The following AK7 variants were observed in gnomAD, a reference collection of about 807,000 sequenced individuals.
AK7 encodes the protein ATP-AMP transphosphorylase 7.
In AK7, 78 loss-of-function variants were observed where a neutral mutation model predicts 96.6. The observed-to-expected ratio is 0.81, with a 90% CI of 0.67 to 0.97. The LOEUF is 0.97. AK7 is among the 50% of genes least tolerant of loss of function. The pLI is 0.00. For missense variants in AK7, 855 were observed against 887.9 expected, an observed-to-expected ratio of 0.96 and a Z score of 0.47; for synonymous variants, 302 against 317.2, an observed-to-expected ratio of 0.95 and a Z score of 0.51.
intron 12 of AK7, among the ~76,000 whole-genome samples, chr14:96,461,839 G>A (rs1431285203): frequency 6.6e-6 from 1 of 152,166 alleles, no homozygotes; most frequent in Non-Finnish European, 1.5e-5. Flanking sequence ...GCCTGCCTTG[G>A]CCTCTGAAAG....
chr14:96,419,552 T>C (rs1891545756), intron 4 of AK7, among the ~76,000 whole-genome samples: 1 of 152,078 alleles, frequency 6.6e-6, no homozygotes, highest in African/African-American at 2.4e-5. Context: ...GAGGATCACT[T>C]GAATCCAGGA....
In AK7 at chr14:96,408,869, C is replaced by T. The variant is rs1475855972; in HGVS notation, c.426C>T (p.His142=). 6 of 1,614,126 alleles carry T rather than the reference C, an allele frequency of 3.7e-6. No homozygotes were observed. In the African/African-American group the frequency reaches 6.7e-5, roughly 18 times the overall value. The part of the protein sequence containing the change: ...AVSALSEEVS[H]FEKRKLFILL... ...CAGCACTCAGTGAAGAAGTCAGCCA[C>T]TTTGAAAAGCGAAAGCTATTTATTT... Residue 142 remains histidine, a synonymous_variant, in exon 4 of 18, where the codon CAC becomes CAT. Transcript: ENST00000267584.
intron 15 of AK7, 44 bp from the exon 16 acceptor site, chr14:96,482,955 C>T: frequency 6.3e-7 from 1 of 1,591,012 alleles, no homozygotes; most frequent in Non-Finnish European, 8.6e-7. Flanking sequence ...TGCAGGCAGG[C>T]CTAGAATATA....
intron 1 of AK7, among the ~76,000 whole-genome samples, chr14:96,395,113 C>T (rs979481838): frequency 5.3e-5 from 8 of 152,184 alleles, no homozygotes; most frequent in African/African-American, 1.7e-4. Context: ...GATCTTCCCA[C>T]CTCAGTGTCC....
chr14:96,469,303 C>T (rs1054750356), intron 12 of AK7, among the ~76,000 whole-genome samples: 3 of 152,174 alleles, frequency 2.0e-5, no homozygotes, highest in African/African-American at 7.2e-5. Flanking sequence ...GGTGGATCAC[C>T]TGAGGTCAGG....
chr14:96,465,821 C>T (rs1894531682), intron 12 of AK7, among the ~76,000 whole-genome samples: 1 of 151,828 alleles, frequency 6.6e-6, no homozygotes, highest in Non-Finnish European at 1.5e-5. Context: ...ACCAGCCTGG[C>T]CAAGATGGTG....
At chr14:96,404,706 G>A (rs1034745614) in intron 2 of AK7, 51 bp from the exon 3 acceptor site, 4 of 1,244,996 alleles carry the variant, frequency 3.2e-6, no homozygotes, top group Non-Finnish European at 4.7e-6. Flanking sequence ...GAAATATGAA[G>A]GTTACCTTGT....
At chr14:96,456,645 C>A in intron 11 of AK7, 170 bp downstream of exon 11, 1 of 653,098 alleles carries the variant, frequency 1.5e-6, no homozygotes, top group Non-Finnish European at 2.5e-6. Flanking sequence ...CATCTGGCTT[C>A]TCTTCCCCCT....
chr14:96,455,563 G>T (rs1893850943), intron 10 of AK7, among the ~76,000 whole-genome samples: 1 of 152,126 alleles, frequency 6.6e-6, no homozygotes, highest in Non-Finnish European at 1.5e-5. Context: ...AGTAAATTAG[G>T]CCCTTTGCAC....
chr14:96,474,619 G>A (rs763197015), intron 14 of AK7, among the ~76,000 whole-genome samples: 3 of 151,782 alleles, frequency 2.0e-5, no homozygotes, highest in Non-Finnish European at 4.4e-5. Context: ...AGCAAGAACC[G>A]GTCTCAAAAA....
At position 96,460,662 on chromosome 14, in the gene AK7, C is replaced by A. The variant is rs529566271; in HGVS notation, c.1357+2450C>A. Among the ~76,000 whole-genome samples the A allele has an allele frequency of 3.3e-5, 5 of 152,334 alleles. No homozygotes were observed. The South Asian group carries it at 1.0e-3, about 32-fold the overall frequency. ...TCCTCTTCCCAGCTACTCACCTCCA[C>A]CTGGGTTGGAGACCTAGTTTCCCTC... On this transcript the variant is annotated intron_variant, in intron 12 of 17. Coordinates refer to ENST00000267584, the MANE Select transcript of AK7 (RefSeq NM_152327.5).
At chr14:96,485,945 G>C (rs1394201118) in intron 16 of AK7, among the ~76,000 whole-genome samples, 1 of 152,006 alleles carries the variant, frequency 6.6e-6, no homozygotes, top group African/African-American at 2.4e-5. Context: ...ACAGGTGCCC[G>C]CCACCGCGCC....
chr14:96,395,034 TTATG>T lies in AK7; in HGVS notation c.105+2781_105+2784del, dbSNP rs558753218. Among the ~76,000 whole-genome samples the T allele has an allele frequency of 6.3e-3, 956 of 152,256 alleles. 11 individuals carry two copies. The highest frequency in any genetic ancestry group is 0.022 in the African/African-American group (909 of 41,528). ...AACTCTGCACATAACTCTTATTTATTTATGTATGTTTAGAGACATGGGTCTCATT... is the reference window on the plus strand; with the variant it reads ...AACTCTGCACATAACTCTTATTTATTTATGTTTAGAGACATGGGTCTCATT... On this transcript the variant is annotated intron_variant, in intron 1 of 17. Transcript: ENST00000267584.
At chr14:96,485,889 C>T (rs989259605) in intron 16 of AK7, among the ~76,000 whole-genome samples, 3 of 151,536 alleles carry the variant, frequency 2.0e-5, no homozygotes, top group South Asian at 2.1e-4. Flanking sequence ...TCCGCCTCCC[C>T]GGTTCACGCC....
At chr14:96,393,012 C>T (rs1259088073) in intron 1 of AK7, among the ~76,000 whole-genome samples, 1 of 152,120 alleles carries the variant, frequency 6.6e-6, no homozygotes, top group African/African-American at 2.4e-5. Flanking sequence ...TTTCATTCAT[C>T]CATCCCTTCA....
intron 2 of AK7, chr14:96,398,932 A>G (rs1890242615): frequency 6.6e-6 from 1 of 151,476 alleles, no homozygotes; most frequent in African/African-American, 2.4e-5. Context: ...TCTGGAGCCT[A>G]CCATACAGCT....
chr14:96,448,630 T>TAAAAAAAAAAA (rs71103528), intron 8 of AK7, among the ~76,000 whole-genome samples: 1 of 74,884 alleles, frequency 1.3e-5, no homozygotes, highest in East Asian at 4.5e-4. Context: ...ACCCTATCTC[T>TAAAAAAAAAAA]AAAAAAAAAA....
At chr14:96,453,413 T>C (rs1412583173) in intron 10 of AK7, among the ~76,000 whole-genome samples, 1 of 152,214 alleles carries the variant, frequency 6.6e-6, no homozygotes, top group African/African-American at 2.4e-5. Flanking sequence ...GGTATGTCTG[T>C]CCCTAGGGGC....
intron 5 of AK7, among the ~76,000 whole-genome samples, chr14:96,434,733 G>T (rs927655124): frequency 1.4e-4 from 21 of 152,198 alleles, no homozygotes; most frequent in African/African-American, 5.1e-4. Context: ...GGGAGTCAGG[G>T]ACTAGAGTGA....
Sources: gnomAD v4.1 joint callset for allele counts (sites outside exome capture counted in the v4.1 genomes callset) on GRCh38, gnomAD v4.1.1 for gene constraint, MANE v1.5 for transcripts, NCBI Gene and HGNC (gene_info 2026-07-23, HGNC 2026-07-21) for gene names.